The following MGAM2 variants were observed in gnomAD, a reference collection of about 807,000 sequenced individuals.
MGAM2 encodes the protein probable maltase-glucoamylase 2.
MGAM2 carries 98 observed loss-of-function variants against 96.1 expected under a neutral mutation model. That is an observed-to-expected ratio of 1.02 (90% CI 0.87 to 1.21). MGAM2 has a LOEUF of 1.21. Ranked by LOEUF, MGAM2 falls within the 50% of genes most tolerant of loss-of-function variation. The probability of loss-of-function intolerance (pLI) is 0.00; values close to 1 mark genes in which losing one functional copy is unlikely to be tolerated. For synonymous variants in MGAM2, 749 were observed against 414.8 expected, an observed-to-expected ratio of 1.81 and a Z score of -9.79; for missense variants, 2,055 against 1,182.4, an observed-to-expected ratio of 1.74 and a Z score of -10.82.
intron 26 of MGAM2, among the ~76,000 whole-genome samples, chr7:142,169,134 A>G (rs569945600): frequency 6.6e-6 from 1 of 152,212 alleles, no homozygotes; most frequent in Non-Finnish European, 1.5e-5. Context: ...GCAGGACTTT[A>G]GAAAACCTTC....
At chr7:142,198,512 C>A (rs1797121725) in intron 43 of MGAM2, 103 bp from the exon 44 acceptor site, 5 of 612,500 alleles carry the variant, frequency 8.2e-6, no homozygotes, top group Non-Finnish European at 1.5e-5. Context: ...CTTTTGCTGA[C>A]TTTCTAACAT....
chr7:142,181,074 G>A (rs1796525395), intron 32 of MGAM2, among the ~76,000 whole-genome samples: 1 of 152,106 alleles, frequency 6.6e-6, no homozygotes, highest in South Asian at 2.1e-4. Flanking sequence ...CCATTGCTGG[G>A]GAGCTAGTAA....
intron 45 of MGAM2, among the ~76,000 whole-genome samples, chr7:142,204,456 TAAG>T (rs1016495689): frequency 1.3e-5 from 2 of 152,036 alleles, no homozygotes; most frequent in Admixed American, 6.6e-5. Context: ...CATAATCTGA[TAAG>T]AAGCTCTAGG....
chr7:142,130,705 A>G (rs1381729601), intron 3 of MGAM2, among the ~76,000 whole-genome samples: 1 of 152,238 alleles, frequency 6.6e-6, no homozygotes, highest in East Asian at 1.9e-4. Context: ...ACTAGACAGT[A>G]GTTTGCTGAA....
At chr7:142,124,213 C>A (rs1459127193) in intron 3 of MGAM2, among the ~76,000 whole-genome samples, 1 of 151,996 alleles carries the variant, frequency 6.6e-6, no homozygotes, top group African/African-American at 2.4e-5. Flanking sequence ...ACCTTGTGAT[C>A]CGCCCACCTC....
chr7:142,143,624 T>C (rs935139401), intron 12 of MGAM2, 145 bp from the exon 13 acceptor site: 24 of 443,608 alleles, frequency 5.4e-5, no homozygotes, highest in Non-Finnish European at 8.9e-5. Context: ...TGTATGCATT[T>C]TATTGTTTAG....
At position 142,187,913 on chromosome 7, in the gene MGAM2, G is replaced by T. The variant is rs537476721; in HGVS notation, c.4207+79G>T. 2.7e-5 allele frequency: 18 copies of T among 661,592 alleles called. No homozygotes were observed. In the East Asian group the frequency reaches 4.1e-4, roughly 15 times the overall value. The allele number at this position is 661,592 out of a possible 1,614,324, so 41.0% of individuals were successfully genotyped here. A position where few individuals can be genotyped will look rare whatever the true frequency, so the allele number is the denominator to read the frequency against. On this transcript the variant is annotated intron_variant, in intron 36 of 47. Transcript: ENST00000477922. The stretch of plus-strand genomic sequence containing the variant: ...GTTTTCCTTTTACTGTCAAAGTGAA[G>T]CCTAATGTTGAAGACAGAAACCATT...
Position 142,154,033 on chromosome 7 carries a change from C to A in MGAM2, c.1650C>A (p.Ile550=). 1.5e-6 allele frequency: 1 copy of A among 676,470 alleles called. No individual in the cohort carries two copies. Among genetic ancestry groups the A allele is most frequent in the Non-Finnish European group, 2.7e-6 (1 of 366,176 alleles). 41.9% of individuals were successfully genotyped at this position (676,470 alleles called of 1,614,324 possible). Residue 550 remains isoleucine, a synonymous_variant, in exon 16 of 48, where the codon ATC becomes ATA. Coordinates refer to ENST00000477922, the MANE Select transcript of MGAM2 (RefSeq NM_001293626.2). The part of the protein sequence containing the change: ...ARTTNLALET[I]FMNNRSFILS... Reference sequence around the variant, plus strand: ...TCCTTTCCAGAGCCCTGGAGACCATCTTCATGAATAATAGGAGCTTCATCT... The same window carrying A: ...TCCTTTCCAGAGCCCTGGAGACCATATTCATGAATAATAGGAGCTTCATCT...
Position 142,152,937 on chromosome 7 carries a change from C to G in MGAM2, c.1635-1081C>G, listed in dbSNP as rs1398706104. On this transcript the variant is annotated intron_variant, in intron 15 of 47. Transcript: ENST00000477922. ...CACCCCACTGTATGTTCATCTGTGC[C>G]CCTGAAGTAATTACCATTCTGAATT... Among the ~76,000 whole-genome samples, 5 of 152,024 alleles carry G rather than the reference C, an allele frequency of 3.3e-5. 1 individual carries two copies. Among genetic ancestry groups the G allele is most frequent in the Admixed American group, 2.6e-4 (4 of 15,264 alleles).
rs753888061 is a variant in MGAM2 at position 142,221,028 on chromosome 7, G to C, written c.6517G>C (p.Val2173Leu). 1.1e-5 allele frequency: 8 copies of C among 702,310 alleles called. No homozygotes were observed. Among genetic ancestry groups the C allele is most frequent in the African/African-American group, 1.0e-4 (6 of 57,196 alleles). The allele number at this position is 702,310 out of a possible 1,614,324, so 43.5% of individuals were successfully genotyped here. Residue 2173 changes from valine to leucine, a missense_variant, in exon 48 of 48, where the codon GTT becomes CTT. By Grantham distance (32) the Val-to-Leu change is conservative. Coordinates refer to ENST00000477922, the MANE Select transcript of MGAM2 (RefSeq NM_001293626.2). ...CTCTCATACAAGTACTGATGATACT[G>C]TTCCTAATAATACTGTTCCAGTTAC... is the stretch of plus-strand genomic sequence containing the variant. ...ATSHTSTDDT[V>L]PNNTVPVTAI...
intron 38 of MGAM2, 64 bp from the exon 39 acceptor site, chr7:142,196,501 C>A: frequency 2.8e-6 from 2 of 703,998 alleles, no homozygotes; most frequent in Non-Finnish European, 5.2e-6. Flanking sequence ...AAAAATCAGG[C>A]CAAGCCTTCA....
chr7:142,120,175 G>A (rs1366515444), intron 2 of MGAM2, 127 bp from the exon 3 acceptor site: 2 of 602,104 alleles, frequency 3.3e-6, no homozygotes, highest in South Asian at 2.0e-5. Context: ...GTATGCAAAT[G>A]TAGATACCAG....
rs748299647 is a variant in MGAM2 at position 142,183,950 on chromosome 7, C to CTTTTTTTTTTTTTT, written c.3924+604_3924+617dup. 2.2e-4 allele frequency among the ~76,000 whole-genome samples: 10 copies of CTTTTTTTTTTTTTT among 46,148 alleles called. 3 individuals carry two copies. The highest frequency in any genetic ancestry group is 1.2e-3 in the Admixed American group (3 of 2,580). The allele number at this position is 46,148 out of a possible 152,430, so 30.3% of individuals were successfully genotyped here. A position where few individuals can be genotyped will look rare whatever the true frequency, so the allele number is the denominator to read the frequency against. ...ACTGCTCTGGATGTATTCCAGGCTCCTTTTTTTTTTTTTTTTTTTTTTTTT... is the reference window on the plus strand; with the variant it reads ...ACTGCTCTGGATGTATTCCAGGCTCCTTTTTTTTTTTTTTTTTTTTTTTTTTTTTTTTTTTTTTT... On this transcript the variant is annotated intron_variant, in intron 33 of 47. Coordinates refer to ENST00000477922, the MANE Select transcript of MGAM2 (RefSeq NM_001293626.2).
rs547769326 is a variant in MGAM2 at position 142,222,234 on chromosome 7, T to C, written c.*175T>C. The C allele has an allele frequency of 2.0e-5, 8 of 392,120 alleles. No individual in the cohort carries two copies. Among genetic ancestry groups the C allele is most frequent in the African/African-American group, 1.4e-4 (7 of 48,590 alleles). The allele number at this position is 392,120 out of a possible 1,614,324, so 24.3% of individuals were successfully genotyped here. A position where few individuals can be genotyped will look rare whatever the true frequency, so the allele number is the denominator to read the frequency against. On this transcript the variant is annotated 3_prime_UTR_variant, in exon 48 of 48. Coordinates refer to ENST00000477922, the MANE Select transcript of MGAM2 (RefSeq NM_001293626.2). Reference sequence around the variant, plus strand: ...CCAAACACTCTCGTCATTGCAGACATGTTTAGGAAGGTTTACAAACCTTAT... The same window carrying C: ...CCAAACACTCTCGTCATTGCAGACACGTTTAGGAAGGTTTACAAACCTTAT...
chr7:142,188,507 T>C (rs894333404), intron 36 of MGAM2, among the ~76,000 whole-genome samples: 11 of 152,074 alleles, frequency 7.2e-5, no homozygotes, highest in African/African-American at 2.2e-4. Context: ...ATACCAGTAA[T>C]CTATGGGACA....
chr7:142,148,369 GACC>G lies in MGAM2; in HGVS notation c.1634+807_1634+809del, dbSNP rs973306964. 2.8e-5 allele frequency among the ~76,000 whole-genome samples: 4 copies of G among 143,664 alleles called. No homozygotes were observed. The highest frequency in any genetic ancestry group is 1.0e-4 in the African/African-American group (4 of 38,422). The allele number at this position is 143,664 out of a possible 152,430, so 94.2% of individuals were successfully genotyped here. On this transcript the variant is annotated intron_variant, in intron 15 of 47. Coordinates refer to ENST00000477922, the MANE Select transcript of MGAM2 (RefSeq NM_001293626.2). The surrounding 1 kb of genome is among the most constrained non-coding windows in gnomAD (Gnocchi z 4.2). The stretch of plus-strand genomic sequence containing the variant: ...CTACCATCACCACCACCACTACCAT[GACC>G]ACCACCACCATCCCTACCACCACCA...
At chr7:142,172,052 C>T (rs1030628388) in intron 28 of MGAM2, 46 bp from the exon 29 acceptor site, 4 of 659,430 alleles carry the variant, frequency 6.1e-6, no homozygotes, top group Admixed American at 2.1e-5. Flanking sequence ...GGTATGAAAA[C>T]AATATCTTGC....
intron 3 of MGAM2, among the ~76,000 whole-genome samples, chr7:142,129,825 C>CAAAAAAAAAAAAAAAAAAAAAAAAAAAAA (rs71166564): frequency 9.0e-5 from 3 of 33,418 alleles, no homozygotes; most frequent in Non-Finnish European, 1.6e-4. Flanking sequence ...AACTCTGTCT[C>CAAAAAAAAAAAAAAAAAAAAAAAAAAAAA]AAAAAAAAAA....
Position 142,197,669 on chromosome 7 carries a change from G to C in MGAM2, c.4807G>C (p.Asp1603His). 2 of 702,952 alleles carry C rather than the reference G, an allele frequency of 2.8e-6. No individual in the cohort carries two copies. Among genetic ancestry groups the C allele is most frequent in the Non-Finnish European group, 5.2e-6 (2 of 385,012 alleles). The allele number at this position is 702,952 out of a possible 1,614,324, so 43.5% of individuals were successfully genotyped here. A position where few individuals can be genotyped will look rare whatever the true frequency, so the allele number is the denominator to read the frequency against. ...GTTTACGGATGACAGGACAACATGG[G>C]ATATAGACCGTCAGTTCATGTTGGG... Reference protein sequence around the residue: ...HEFTDDRTTWDIDRQFMLGPA... With the variant: ...HEFTDDRTTWHIDRQFMLGPA... The change falls in exon 42 of 48, where the codon GAT (aspartate) becomes CAT (histidine). Residue 1603 changes from aspartate (D) to histidine (H), a missense_variant. Transcript: ENST00000477922.
Sources: gnomAD v4.1 joint callset for allele counts (sites outside exome capture counted in the v4.1 genomes callset) on GRCh38, gnomAD v4.1.1 for gene constraint, Gnocchi (gnomAD v3.1) non-coding constraint, MANE v1.5 for transcripts, NCBI Gene and HGNC (gene_info 2026-07-23, HGNC 2026-07-21) for gene names.